MTMR12: variants seen among roughly 807,000 people sequenced by gnomAD.
The protein encoded by MTMR12 is myotubularin related protein 12, also known as myotubularin-related protein 12.
In MTMR12, 33 loss-of-function variants were observed where a neutral mutation model predicts 96.7. The ratio of observed to expected loss-of-function variants is 0.34; its 90% confidence interval spans 0.26 to 0.46. The LOEUF is 0.46. Ranked by LOEUF, MTMR12 falls within the 20% of genes least tolerant of loss-of-function variation. The pLI, the probability that MTMR12 is intolerant of heterozygous loss-of-function variation, is 1.00. For missense variants in MTMR12, 721 were observed against 896.1 expected (o/e 0.80, Z 2.49); for synonymous variants, 298 against 327.2 (o/e 0.91, Z 0.96).
At position 32,233,083 on chromosome 5, in the gene MTMR12, C is replaced by T; in HGVS notation, c.1674+690G>A. 2 of 920,564 alleles carry T rather than the reference C, an allele frequency of 2.2e-6. No individual in the cohort carries two copies. Among genetic ancestry groups the T allele is most frequent in the South Asian group, 5.0e-5 (1 of 19,942 alleles). The allele number at this position is 920,564 out of a possible 1,614,324, so 57.0% of individuals were successfully genotyped here. On this transcript the variant is annotated intron_variant, in intron 15 of 15. Transcript: ENST00000382142. The surrounding 1 kb of genome is among the most constrained non-coding windows in gnomAD (Gnocchi z 5.0). ...ACTTTGGGATTATCAACTAAAATGA[C>T]TTTCTGACATTTGTGGCTCATAGCA... is the stretch of plus-strand genomic sequence containing the variant.
chr5:32,276,190 G>A (rs2068208), intron 2 of MTMR12, among the ~76,000 whole-genome samples: 40,161 of 152,088 alleles, frequency 0.26, 5,893 homozygotes, highest in Middle Eastern at 0.41. Context: ...AGGCTCCTTC[G>A]CAATGACTGC....
intron 1 of MTMR12, among the ~76,000 whole-genome samples, chr5:32,302,722 T>TA (rs754140107): frequency 0.052 from 4,814 of 93,332 alleles, 237 homozygotes; most frequent in African/African-American, 0.16. Flanking sequence ...AGACTCCGTA[T>TA]AAAAAAAAAA....
chr5:32,255,812 T>C, intron 7 of MTMR12, 44 bp from the exon 8 acceptor site: 1 of 1,502,954 alleles, frequency 6.7e-7, no homozygotes, highest in South Asian at 1.2e-5. Flanking sequence ...AACACTTAAT[T>C]CACAAAATAT....
chr5:32,303,099 T>C (rs1409372607), intron 1 of MTMR12, among the ~76,000 whole-genome samples: 1 of 152,218 alleles, frequency 6.6e-6, no homozygotes, highest in Non-Finnish European at 1.5e-5. Context: ...AACTTCTGAA[T>C]AACAACAATA....
chr5:32,271,186 C>T (rs1449882729), intron 4 of MTMR12, among the ~76,000 whole-genome samples: 1 of 152,146 alleles, frequency 6.6e-6, no homozygotes, highest in Non-Finnish European at 1.5e-5. Context: ...ACAGACTGGC[C>T]ACTGTTGGCA....
At chr5:32,230,832 A>G (rs530790362) in intron 15 of MTMR12, among the ~76,000 whole-genome samples, 50 of 152,350 alleles carry the variant, frequency 3.3e-4, no homozygotes, top group Middle Eastern at 3.4e-3. Flanking sequence ...ACTGCTAACT[A>G]CCAGAAGATA....
At position 32,228,640 on chromosome 5, in the gene MTMR12, T is replaced by A. The variant is rs1747867249; in HGVS notation, c.*1138A>T. ...ATGATATATATATATCACATATATATCATATATATATCATTTAGACAGCAG... is the reference window on the plus strand; with the variant it reads ...ATGATATATATATATCACATATATAACATATATATATCATTTAGACAGCAG... On this transcript the variant is annotated 3_prime_UTR_variant, in exon 16 of 16. Coordinates refer to ENST00000382142, the MANE Select transcript of MTMR12 (RefSeq NM_001040446.3). 1 of 145,214 alleles carries A rather than the reference T, an allele frequency of 6.9e-6. No individual in the cohort carries two copies. The highest frequency in any genetic ancestry group is 1.5e-5 in the Non-Finnish European group (1 of 66,806). 9.0% of individuals were successfully genotyped at this position (145,214 alleles called of 1,614,324 possible).
intron 15 of MTMR12, among the ~76,000 whole-genome samples, chr5:32,231,301 C>T (rs1420707560): frequency 2.0e-5 from 3 of 150,616 alleles, no homozygotes; most frequent in Non-Finnish European, 4.4e-5. Flanking sequence ...ATTGCTTGAA[C>T]CCAGGAGGCA....
chr5:32,232,931 A>G, intron 15 of MTMR12: 3 of 975,392 alleles, frequency 3.1e-6, no homozygotes, highest in Non-Finnish European at 3.7e-6. Flanking sequence ...GGCATGGAGA[A>G]GGCAGTGACA....
chr5:32,298,724 G>T (rs551107774), intron 1 of MTMR12, among the ~76,000 whole-genome samples: 1 of 151,796 alleles, frequency 6.6e-6, no homozygotes, highest in Non-Finnish European at 1.5e-5. Context: ...AGAGGCGGGC[G>T]GATCATGAGG....
intron 6 of MTMR12, among the ~76,000 whole-genome samples, chr5:32,264,667 G>T (rs1010955667): frequency 4.0e-5 from 6 of 151,894 alleles, no homozygotes; most frequent in Non-Finnish European, 5.9e-5. Context: ...CACCATTTTG[G>T]CCAGGCTGGT....
At chr5:32,238,465 A>G (rs1204487989) in intron 13 of MTMR12, among the ~76,000 whole-genome samples, 4 of 152,192 alleles carry the variant, frequency 2.6e-5, no homozygotes, top group African/African-American at 9.7e-5. Context: ...CTGGGATTAC[A>G]GGTGCAAACC....
rs1747824790 is a variant in MTMR12, at chr5:32,228,534, G to GATATATATATC, written c.*1233_*1243dup. On this transcript the variant is annotated 3_prime_UTR_variant, in exon 16 of 16. Transcript: ENST00000382142. The stretch of plus-strand genomic sequence containing the variant: ...TAAAAAAAATATATATCATATATAT[G>GATATATATATC]ATATATATATCATATATATGTGATA... 1 of 87,524 alleles carries GATATATATATC rather than the reference G, an allele frequency of 1.1e-5. No individual in the cohort carries two copies. Among genetic ancestry groups the GATATATATATC allele is most frequent in the African/African-American group, 4.4e-5 (1 of 22,612 alleles). 5.4% of individuals were successfully genotyped at this position (87,524 alleles called of 1,614,324 possible).
chr5:32,298,014 G>T (rs1217261796), intron 1 of MTMR12, among the ~76,000 whole-genome samples: 1 of 152,238 alleles, frequency 6.6e-6, no homozygotes, highest in African/African-American at 2.4e-5. Flanking sequence ...AGAACCAGAA[G>T]CAGGCAGGAT....
At chr5:32,304,887 A>G (rs1194464017) in intron 1 of MTMR12, among the ~76,000 whole-genome samples, 2 of 152,308 alleles carry the variant, frequency 1.3e-5, no homozygotes, top group Non-Finnish European at 2.9e-5. Context: ...CACGGGCAGG[A>G]GAGAAAAAGC....
At chr5:32,285,951 T>C (rs141816825) in intron 1 of MTMR12, among the ~76,000 whole-genome samples, 8 of 152,274 alleles carry the variant, frequency 5.3e-5, no homozygotes, top group African/African-American at 1.9e-4. Flanking sequence ...GTGTATCTGG[T>C]TACTCAGAGT....
chr5:32,259,829 A>G (rs559313489), intron 7 of MTMR12, among the ~76,000 whole-genome samples: 1 of 152,252 alleles, frequency 6.6e-6, no homozygotes, highest in African/African-American at 2.4e-5. Context: ...TGAGGTCAGG[A>G]GTTCAAGACC....
chr5:32,265,256 TGGAA>T (rs1749544431), intron 6 of MTMR12, among the ~76,000 whole-genome samples: 1 of 152,214 alleles, frequency 6.6e-6, no homozygotes, highest in African/African-American at 2.4e-5. Context: ...AAATGAGGGC[TGGAA>T]GGAAGTAGAA....
chr5:32,279,114 A>T (rs1472317838), intron 1 of MTMR12, among the ~76,000 whole-genome samples: 6 of 134,298 alleles, frequency 4.5e-5, no homozygotes, highest in African/African-American at 1.8e-4. Context: ...AAAAAAAAAA[A>T]AGTAAGTTAT....
Sources: gnomAD v4.1 joint callset for allele counts (sites outside exome capture counted in the v4.1 genomes callset) on GRCh38, gnomAD v4.1.1 for gene constraint, Gnocchi (gnomAD v3.1) non-coding constraint, MANE v1.5 for transcripts, NCBI Gene and HGNC (gene_info 2026-07-23, HGNC 2026-07-21) for gene names.